The following POU2AF2 variants were observed in gnomAD, a reference collection of about 807,000 sequenced individuals.
POU2AF2 encodes POU domain class 2-associating factor 2.
the POU2AF2 span, chr11:111,281,282 C>A: frequency 1.3e-6 from 1 of 768,122 alleles, no homozygotes; most frequent in Non-Finnish European, 2.0e-6. Context: ...GTCAACCCAA[C>A]TCCCCAGATA....
At chr11:111,270,749 G>A in the POU2AF2 span, among the ~76,000 whole-genome samples, 1 of 152,208 alleles carries the variant, frequency 6.6e-6, no homozygotes, top group Non-Finnish European at 1.5e-5. Context: ...CCTGGAAATT[G>A]TACAGCATCC....
the POU2AF2 span, among the ~76,000 whole-genome samples, chr11:111,264,110 G>A: frequency 6.6e-6 from 1 of 152,162 alleles, no homozygotes; most frequent in African/African-American, 2.4e-5. Flanking sequence ...AGATGGCTTT[G>A]CTCCAAGTGC....
the POU2AF2 span, chr11:111,284,048 T>C: frequency 2.5e-6 from 4 of 1,599,384 alleles, no homozygotes; most frequent in Non-Finnish European, 3.4e-6. Flanking sequence ...AGGAATTTTC[T>C]GCCCATGTGT....
At chr11:111,278,256 G>T in the POU2AF2 span, among the ~76,000 whole-genome samples, 3 of 152,220 alleles carry the variant, frequency 2.0e-5, no homozygotes, top group Admixed American at 2.0e-4. Flanking sequence ...GCTAATAAGA[G>T]GTAGAGCTGG....
the POU2AF2 span, chr11:111,281,470 T>C: frequency 6.2e-7 from 1 of 1,610,078 alleles, no homozygotes; most frequent in Non-Finnish European, 8.5e-7. Context: ...AAGCAATTAT[T>C]CCCTTTTGAA....
chr11:111,256,306 A>G, the POU2AF2 span, among the ~76,000 whole-genome samples: 1 of 152,122 alleles, frequency 6.6e-6, no homozygotes, highest in Non-Finnish European at 1.5e-5. Flanking sequence ...CTCTACTTCA[A>G]TCTCATCCTA....
the POU2AF2 span, among the ~76,000 whole-genome samples, chr11:111,251,437 C>T: frequency 6.6e-6 from 1 of 152,244 alleles, no homozygotes; most frequent in South Asian, 2.1e-4. Flanking sequence ...TACTAGACAT[C>T]CAATCATAAA....
At chr11:111,279,026 C>A in the POU2AF2 span, among the ~76,000 whole-genome samples, 13 of 152,170 alleles carry the variant, frequency 8.5e-5, no homozygotes, top group African/African-American at 2.9e-4. Flanking sequence ...AAAGTCACTG[C>A]AAAAGAGCTC....
the POU2AF2 span, among the ~76,000 whole-genome samples, chr11:111,266,474 T>C: frequency 2.6e-5 from 4 of 152,218 alleles, no homozygotes; most frequent in African/African-American, 7.2e-5. Context: ...TAGCCAGGAA[T>C]ATAGGGAATA....
the POU2AF2 span, among the ~76,000 whole-genome samples, chr11:111,254,823 G>A: frequency 3.3e-5 from 5 of 152,136 alleles, no homozygotes; most frequent in Admixed American, 3.3e-4. Context: ...ACACACTGAT[G>A]CTGAATTCTG....
At chr11:111,259,196 G>C in the POU2AF2 span, among the ~76,000 whole-genome samples, 2 of 151,928 alleles carry the variant, frequency 1.3e-5, no homozygotes, top group Non-Finnish European at 2.9e-5. Context: ...CCCCGAGATT[G>C]ATATTTACAG....
At chr11:111,278,263 C>A in the POU2AF2 span, among the ~76,000 whole-genome samples, 1 of 152,188 alleles carries the variant, frequency 6.6e-6, no homozygotes, top group African/African-American at 2.4e-5. Context: ...AGAGGTAGAG[C>A]TGGGATTCAA....
the POU2AF2 span, among the ~76,000 whole-genome samples, chr11:111,261,288 CACACAT>C: frequency 0.035 from 2,915 of 84,020 alleles, 59 homozygotes; most frequent in South Asian, 0.098. Context: ...CACACACACA[CACACAT>C]AATTAAGTTC....
the POU2AF2 span, among the ~76,000 whole-genome samples, chr11:111,251,626 A>C: frequency 2.3e-4 from 35 of 152,138 alleles, no homozygotes; most frequent in African/African-American, 8.4e-4. Flanking sequence ...CTACAAGGTC[A>C]TTCTCCTTCC....
chr11:111,280,246 C>G, the POU2AF2 span, among the ~76,000 whole-genome samples: 9 of 151,746 alleles, frequency 5.9e-5, no homozygotes, highest in African/African-American at 2.2e-4. Flanking sequence ...CAGTCAAGGT[C>G]CCTACAGTTG....
At chr11:111,276,258 G>C in the POU2AF2 span, among the ~76,000 whole-genome samples, 2 of 151,390 alleles carry the variant, frequency 1.3e-5, no homozygotes, top group East Asian at 3.9e-4. Flanking sequence ...ATTGGAAACA[G>C]TCAGAAATAA....
the POU2AF2 span, chr11:111,284,234 C>T: frequency 6.2e-7 from 1 of 1,614,226 alleles, no homozygotes. Flanking sequence ...TGCGGCTCTC[C>T]TGGAGCCCTA....
the POU2AF2 span, among the ~76,000 whole-genome samples, chr11:111,272,545 CACTA>C: frequency 2.0e-5 from 3 of 152,168 alleles, no homozygotes; most frequent in African/African-American, 7.2e-5. Flanking sequence ...CACACAGACA[CACTA>C]ACATATGTAA....
At chr11:111,280,781 A>T in the POU2AF2 span, among the ~76,000 whole-genome samples, 3 of 152,224 alleles carry the variant, frequency 2.0e-5, no homozygotes, top group African/African-American at 7.2e-5. Flanking sequence ...CAACTTAATA[A>T]GGAAAGAAAA....
Sources: gnomAD v4.1 joint callset for allele counts (sites outside exome capture counted in the v4.1 genomes callset) on GRCh38, gnomAD v4.1.1 for gene constraint, MANE v1.5 for transcripts, NCBI Gene and HGNC (gene_info 2026-07-23, HGNC 2026-07-21) for gene names.